Variants in PRKAB2 observed in about 807,000 individuals in gnomAD.
The protein encoded by PRKAB2 is protein kinase AMP-activated non-catalytic subunit beta 2.
A neutral mutation model predicts 29.8 loss-of-function variants in PRKAB2; 18 were observed. That is an observed-to-expected ratio of 0.60 (90% CI 0.42 to 0.89). PRKAB2 has a LOEUF of 0.89. Among genes scored for constraint, PRKAB2 ranks in the 40% least tolerant of loss-of-function variants. PRKAB2 has a pLI of 0.00. For synonymous variants in PRKAB2, 136 were observed against 125.9 expected (o/e 1.08, Z -0.54); for missense variants, 270 against 344.3 (o/e 0.78, Z 1.71).
chr1:147,163,939 A>T (rs1237735340), intron 5 of PRKAB2, among the ~76,000 whole-genome samples: 1 of 151,946 alleles, frequency 6.6e-6, no homozygotes, highest in Non-Finnish European at 1.5e-5. Context: ...TTTAAATGTT[A>T]TTGTTTCTTT....
rs1553912780 is a variant in PRKAB2 at position 147,159,291 on chromosome 1, C to T, written c.*274G>A. The T allele has an allele frequency of 2.6e-6, 1 of 387,522 alleles. No individual in the cohort carries two copies. Among genetic ancestry groups the T allele is most frequent in the African/African-American group, 2.0e-5 (1 of 49,168 alleles). 24.0% of individuals were successfully genotyped at this position (387,522 alleles called of 1,614,324 possible). The stretch of plus-strand genomic sequence containing the variant: ...CCCCCAAACAGGTCTTGGTGAAAAC[C>T]CACAGGCAGAAACAATACTTCTAGC... On this transcript the variant is annotated 3_prime_UTR_variant, in exon 8 of 8. Coordinates refer to ENST00000254101, the MANE Select transcript of PRKAB2 (RefSeq NM_005399.5).
intron 5 of PRKAB2, among the ~76,000 whole-genome samples, chr1:147,164,020 T>C (rs1206611629): frequency 6.6e-6 from 1 of 152,170 alleles, no homozygotes; most frequent in Non-Finnish European, 1.5e-5. Context: ...CACTACAGCC[T>C]TGACCTCCTG....
Position 147,166,322 on chromosome 1 carries a change from G to A in PRKAB2, c.538+176C>T, listed in dbSNP as rs75946524. On this transcript the variant is annotated intron_variant, in intron 5 of 7. Transcript: ENST00000254101. ...CTTGTGTTACAATGTGTGTGTTTGTGTTTGCTGCAAATAAGAGACCTAAAT... is the reference window on the plus strand; with the variant it reads ...CTTGTGTTACAATGTGTGTGTTTGTATTTGCTGCAAATAAGAGACCTAAAT... Among the ~76,000 whole-genome samples, 463 of 152,252 alleles carry A rather than the reference G, an allele frequency of 3.0e-3. 3 individuals carry two copies. The highest frequency in any genetic ancestry group is 5.5e-3 in the Non-Finnish European group (372 of 68,024).
chr1:147,161,555 A>C, intron 7 of PRKAB2, 157 bp downstream of exon 7: 1 of 644,830 alleles, frequency 1.6e-6, no homozygotes, highest in Non-Finnish European at 2.6e-6. Flanking sequence ...AAAACAAACA[A>C]CCTAGTAGTT....
At chr1:147,161,222 A>G (rs587636201) in intron 7 of PRKAB2, among the ~76,000 whole-genome samples, 10 of 152,280 alleles carry the variant, frequency 6.6e-5, no homozygotes, top group Non-Finnish European at 1.3e-4. Flanking sequence ...AGGACTCTAG[A>G]GTTGACGGGA....
At chr1:147,167,660 G>C (rs1654317077) in intron 3 of PRKAB2, 107 bp downstream of exon 3, 3 of 1,332,680 alleles carry the variant, frequency 2.3e-6, no homozygotes, top group Non-Finnish European at 3.1e-6. Context: ...GCATGTTCTA[G>C]AGACAGTCCT....
At position 147,160,865 on chromosome 1, in the gene PRKAB2, GTTA is replaced by G. The variant is rs782750525; in HGVS notation, c.741+844_741+846del. On this transcript the variant is annotated intron_variant, in intron 7 of 7. Transcript: ENST00000254101. Reference sequence around the variant, plus strand: ...AACAGGAGTTAAAAATACTTACAACGTTATTATAAAAATTAAATTCAATAATAT... The same window carrying G: ...AACAGGAGTTAAAAATACTTACAACGTTATAAAAATTAAATTCAATAATAT... 4.0e-5 allele frequency: 6 copies of G among 151,846 alleles called. No individual in the cohort carries two copies. In the South Asian group the frequency reaches 6.2e-4, roughly 16 times the overall value. The allele number at this position is 151,846 out of a possible 1,614,324, so 9.4% of individuals were successfully genotyped here.
chr1:147,163,626 G>A (rs963429387), intron 5 of PRKAB2, among the ~76,000 whole-genome samples: 2 of 152,156 alleles, frequency 1.3e-5, no homozygotes, highest in Non-Finnish European at 2.9e-5. Context: ...CCACTGATAT[G>A]AAATGTCCAG....
chr1:147,159,707 C>T, intron 7 of PRKAB2, 65 bp from the exon 8 acceptor site: 2 of 1,400,274 alleles, frequency 1.4e-6, no homozygotes, highest in Non-Finnish European at 2.0e-6. Context: ...TCTTCCCAGT[C>T]ATCAGTCCTT....
At position 147,172,118 on chromosome 1, in the gene PRKAB2, C is replaced by T. The variant is rs587748890; in HGVS notation, c.27G>A (p.Val9=). The T allele has an allele frequency of 8.4e-6, 13 of 1,553,432 alleles. No homozygotes were observed. The highest frequency in any genetic ancestry group is 7.1e-5 in the South Asian group (6 of 84,254). ...CCTTGGCGCCGTGGCGCTCCCCGGACACCCGGTCGCTGGTGGTGTTTCCCA... is the reference window on the plus strand; with the variant it reads ...CCTTGGCGCCGTGGCGCTCCCCGGATACCCGGTCGCTGGTGGTGTTTCCCA... The part of the protein sequence containing the change: MGNTTSDR[V]SGERHGAKAA... Residue 9 remains valine, a synonymous_variant, in exon 2 of 8, where the codon GTG becomes GTA. Coordinates refer to ENST00000254101, the MANE Select transcript of PRKAB2 (RefSeq NM_005399.5).
At chr1:147,161,867 C>T in intron 6 of PRKAB2, 87 bp from the exon 7 acceptor site, 1 of 1,090,962 alleles carries the variant, frequency 9.2e-7, no homozygotes, top group Non-Finnish European at 1.3e-6. Context: ...TTCCTCAGAG[C>T]TCTTTGAGAA....
intron 2 of PRKAB2, 97 bp downstream of exon 2, chr1:147,171,892 C>T (rs1216567790): frequency 6.8e-7 from 1 of 1,470,094 alleles, no homozygotes; most frequent in East Asian, 2.5e-5. Context: ...AACCATAGCC[C>T]GGTTCGGCGC....
chr1:147,166,465 C>G, intron 5 of PRKAB2, 33 bp downstream of exon 5: 1 of 1,600,110 alleles, frequency 6.2e-7, no homozygotes, highest in Non-Finnish European at 8.5e-7. Context: ...ACAAGAAAGA[C>G]ACAGCAAGAG....
chr1:147,163,614 T>G (rs1553913324), intron 5 of PRKAB2, among the ~76,000 whole-genome samples: 1 of 152,188 alleles, frequency 6.6e-6, no homozygotes, highest in African/African-American at 2.4e-5. Context: ...TATTGTAGGA[T>G]TCCACTGATA....
intron 5 of PRKAB2, 45 bp downstream of exon 5, chr1:147,166,453 C>T (rs782522541): frequency 6.3e-7 from 1 of 1,592,098 alleles, no homozygotes; most frequent in Non-Finnish European, 8.6e-7. Flanking sequence ...TAGGAAGGAA[C>T]TACAAGAAAG....
At chr1:147,163,644 A>G (rs1654083089) in intron 5 of PRKAB2, among the ~76,000 whole-genome samples, 1 of 152,218 alleles carries the variant, frequency 6.6e-6, no homozygotes, top group South Asian at 2.1e-4. Context: ...CAGAACAGGC[A>G]AATCCTTAAG....
chr1:147,171,230 C>T (rs1553914318), intron 2 of PRKAB2, among the ~76,000 whole-genome samples: 1 of 152,206 alleles, frequency 6.6e-6, no homozygotes, highest in African/African-American at 2.4e-5. Flanking sequence ...AGAGCAAGGT[C>T]TTCAGGGCAG....
chr1:147,160,146 T>A (rs1448971496), intron 7 of PRKAB2, among the ~76,000 whole-genome samples: 1 of 152,296 alleles, frequency 6.6e-6, no homozygotes, highest in Admixed American at 6.5e-5. Flanking sequence ...AATTTTCATT[T>A]AAAACCAGGG....
chr1:147,172,186 C>G lies in PRKAB2; in HGVS notation c.-23-19G>C, dbSNP rs1553914560. ...GGACCACCTACCGCGGGGAACGACACCGGGCTGGGAACACCTCAGCCGCCG... is the reference window on the plus strand; with the variant it reads ...GGACCACCTACCGCGGGGAACGACAGCGGGCTGGGAACACCTCAGCCGCCG... On this transcript the variant is annotated intron_variant, in intron 1 of 7. Transcript: ENST00000254101. The G allele has an allele frequency of 6.6e-7, 1 of 1,517,040 alleles. No individual in the cohort carries two copies. Among genetic ancestry groups the G allele is most frequent in the Admixed American group, 2.0e-5 (1 of 49,272 alleles). 94.0% of individuals were successfully genotyped at this position (1,517,040 alleles called of 1,614,324 possible).
Sources: allele counts gnomAD v4.1 joint callset (sites outside exome capture counted in the v4.1 genomes callset), GRCh38; gene constraint gnomAD v4.1.1; transcripts MANE v1.5; gene names NCBI Gene and HGNC (gene_info 2026-07-23, HGNC 2026-07-21).